The following SBF2 variants were observed in gnomAD, a reference collection of about 807,000 sequenced individuals.
SBF2 encodes the protein SET binding factor 2.
Under a neutral mutation model 225.2 loss-of-function variants are expected in SBF2, and 112 were observed. That is an observed-to-expected ratio of 0.50 (90% CI 0.43 to 0.58). SBF2 has a LOEUF of 0.58. Among genes scored for constraint, SBF2 ranks in the 20% least tolerant of loss-of-function variants. SBF2 has a pLI of 0.00. For synonymous variants in SBF2, 763 were observed against 773.3 expected (o/e 0.99, Z 0.22); for missense variants, 1,996 against 2,206.2 (o/e 0.90, Z 1.91).
At chr11:9,805,767 C>T (rs536512947) in intron 32 of SBF2, among the ~76,000 whole-genome samples, 20 of 152,250 alleles carry the variant, frequency 1.3e-4, no homozygotes, top group Admixed American at 3.3e-4. Context: ...GGACTACAGG[C>T]GTGCGCCCCC....
At chr11:9,848,675 T>C (rs764326363) in intron 22 of SBF2, among the ~76,000 whole-genome samples, 2 of 152,268 alleles carry the variant, frequency 1.3e-5, no homozygotes, top group Non-Finnish European at 2.9e-5. Context: ...CTATAAAAAA[T>C]TGTAAGTACT....
At chr11:10,063,858 C>CACACACAGAGAGAG (rs373423157) in intron 2 of SBF2, among the ~76,000 whole-genome samples, 171 of 136,224 alleles carry the variant, frequency 1.3e-3, no homozygotes, top group Non-Finnish European at 1.8e-3. Context: ...CACACACACA[C>CACACACAGAGAGAG]AGAGAGAGAG....
intron 16 of SBF2, chr11:9,957,394 A>C (rs944840275): frequency 2.0e-5 from 3 of 152,120 alleles, no homozygotes; most frequent in Admixed American, 6.6e-5. Flanking sequence ...GTATCCCGTG[A>C]CCTGTATGTT....
chr11:10,244,183 T>C (rs1959529073), intron 1 of SBF2, among the ~76,000 whole-genome samples: 1 of 152,224 alleles, frequency 6.6e-6, no homozygotes, highest in Non-Finnish European at 1.5e-5. Context: ...TTTAGTGTCA[T>C]ATCCAAGAAA....
chr11:9,947,627 T>C lies in SBF2; in HGVS notation c.1860+14330A>G, dbSNP rs540477451. On this transcript the variant is annotated intron_variant, in intron 16 of 39. Coordinates refer to ENST00000256190, the MANE Select transcript of SBF2 (RefSeq NM_030962.4). ...GGAAGTGAAGCGGCATCTATGCTTA[T>C]GCTCAGAGGTCAATGTAGGGTCAGG... 7.2e-4 allele frequency among the ~76,000 whole-genome samples: 109 copies of C among 152,332 alleles called. 2 individuals carry two copies. The highest frequency in any genetic ancestry group is 2.5e-3 in the African/African-American group (105 of 41,584).
intron 13 of SBF2, among the ~76,000 whole-genome samples, chr11:9,985,111 C>T (rs1176341213): frequency 1.3e-5 from 2 of 152,172 alleles, no homozygotes; most frequent in African/African-American, 4.8e-5. Context: ...TCAATACTAA[C>T]ATTGAATGTA....
chr11:9,810,842 C>T (rs1854138990), intron 30 of SBF2: 1 of 152,196 alleles, frequency 6.6e-6, no homozygotes, highest in Admixed American at 6.5e-5. Flanking sequence ...ACCATTTGAC[C>T]TAGCAATCCC....
At chr11:9,900,868 T>C (rs1395089936) in intron 16 of SBF2, among the ~76,000 whole-genome samples, 2 of 152,012 alleles carry the variant, frequency 1.3e-5, no homozygotes, top group South Asian at 2.1e-4. Flanking sequence ...TTCCAAGTAG[T>C]TGGGACTACA....
rs775319050 is a variant in SBF2 at position 9,998,374 on chromosome 11, A to C, written c.867T>G (p.Asp289Glu). The stretch of plus-strand genomic sequence containing the variant: ...CTCCATCCAAATCTGCTATGATTAC[A>C]TCTAACTGAAAGAGATAAAAAAATT... ...VFKTDVHELL[D>E]VIIADLDGGT... Residue 289 changes from aspartate to glutamate, a missense_variant, in exon 9 of 40, where the codon GAT becomes GAG. By Grantham distance (45) the Asp-to-Glu change is conservative. Coordinates refer to ENST00000256190, the MANE Select transcript of SBF2 (RefSeq NM_030962.4). The C allele has an allele frequency of 1.9e-6, 3 of 1,539,950 alleles. No individual in the cohort carries two copies. The Admixed American group carries it at 5.1e-5, about 26-fold the overall frequency.
At chr11:9,933,217 T>G (rs2134266060) in intron 16 of SBF2, among the ~76,000 whole-genome samples, 1 of 152,192 alleles carries the variant, frequency 6.6e-6, no homozygotes, top group South Asian at 2.1e-4. Context: ...ATGGGAGACT[T>G]CAACACCCCA....
At chr11:9,829,656 C>T in intron 27 of SBF2, 160 bp from the exon 28 acceptor site, 1 of 647,086 alleles carries the variant, frequency 1.5e-6, no homozygotes, top group Non-Finnish European at 2.7e-6. Context: ...ACTTAAATTG[C>T]CAGTCTATTA....
chr11:10,010,425 G>A (rs547995101), intron 6 of SBF2, among the ~76,000 whole-genome samples: 1 of 152,280 alleles, frequency 6.6e-6, no homozygotes, highest in African/African-American at 2.4e-5. Flanking sequence ...AAAGGTTTAA[G>A]AAAGGGGTTG....
At chr11:10,280,141 A>G (rs1284318799) in intron 1 of SBF2, among the ~76,000 whole-genome samples, 1 of 115,074 alleles carries the variant, frequency 8.7e-6, no homozygotes, top group African/African-American at 2.9e-5. Flanking sequence ...TTTGAATGTC[A>G]TATCAGTGCT....
Position 10,172,151 on chromosome 11 carries a change from T to A in SBF2, c.141+21751A>T, listed in dbSNP as rs551929667. On this transcript the variant is annotated intron_variant, in intron 2 of 39. Coordinates refer to ENST00000256190, the MANE Select transcript of SBF2 (RefSeq NM_030962.4). ...CAATTTATTTCTGCTCCGATCTTTA[T>A]TAGTTTCTTTTCTTCTCCTAATCTT... Among the ~76,000 whole-genome samples the A allele has an allele frequency of 4.6e-5, 7 of 152,258 alleles. No individual in the cohort carries two copies. In the South Asian group the frequency reaches 1.5e-3, roughly 32 times the overall value.
intron 1 of SBF2, among the ~76,000 whole-genome samples, chr11:10,283,873 TCTC>T (rs1023811784): frequency 1.3e-5 from 2 of 152,108 alleles, no homozygotes; most frequent in African/African-American, 2.4e-5. Flanking sequence ...CAAGCTATGT[TCTC>T]CTCAGCATAA....
intron 2 of SBF2, among the ~76,000 whole-genome samples, chr11:10,129,398 C>T (rs958424223): frequency 7.9e-5 from 12 of 152,104 alleles, no homozygotes; most frequent in South Asian, 4.1e-4. Context: ...CCACCGCGCC[C>T]GGCCAATTTT....
intron 16 of SBF2, among the ~76,000 whole-genome samples, chr11:9,929,699 C>A (rs182433210): frequency 3.4e-4 from 52 of 152,294 alleles, no homozygotes; most frequent in African/African-American, 1.2e-3. Flanking sequence ...CAAAGTGCTG[C>A]CTCATCCACC....
chr11:9,896,519 C>T (rs1447591535), intron 16 of SBF2, among the ~76,000 whole-genome samples: 10 of 152,054 alleles, frequency 6.6e-5, no homozygotes, highest in Admixed American at 2.0e-4. Flanking sequence ...AGGCTGGGCG[C>T]GGTGGCTCAT....
intron 6 of SBF2, among the ~76,000 whole-genome samples, chr11:10,023,931 C>G (rs998270932): frequency 3.3e-5 from 5 of 152,042 alleles, no homozygotes; most frequent in African/African-American, 1.2e-4. Flanking sequence ...TCACCACAAT[C>G]AAGACTGTAT....
Sources: gnomAD v4.1 joint callset for allele counts (sites outside exome capture counted in the v4.1 genomes callset) on GRCh38, gnomAD v4.1.1 for gene constraint, MANE v1.5 for transcripts, NCBI Gene and HGNC (gene_info 2026-07-23, HGNC 2026-07-21) for gene names.